Variants in VPS41 observed in about 807,000 individuals in gnomAD.
The protein encoded by VPS41 is vacuolar protein sorting-associated protein 41 homolog.
VPS41 carries 85 observed loss-of-function variants against 130.9 expected under a neutral mutation model. The observed-to-expected ratio is 0.65, with a 90% CI of 0.55 to 0.78. The LOEUF (loss-of-function observed/expected upper bound fraction) is 0.78. Among genes scored for constraint, VPS41 ranks in the 30% least tolerant of loss-of-function variants. VPS41 has a pLI of 0.00. For missense variants in VPS41, 874 were observed against 1,018.7 expected (o/e 0.86, Z 1.93); for synonymous variants, 335 against 332.9 (o/e 1.01, Z -0.07).
chr7:38,734,267 A>T (rs1795722890), intron 25 of VPS41, among the ~76,000 whole-genome samples: 2 of 152,182 alleles, frequency 1.3e-5, no homozygotes, highest in South Asian at 4.1e-4. Context: ...AGATTATTCA[A>T]ATCTAGGGGT....
chr7:38,833,540 G>A (rs1785434719), intron 4 of VPS41, among the ~76,000 whole-genome samples: 1 of 152,112 alleles, frequency 6.6e-6, no homozygotes, highest in Admixed American at 6.6e-5. Flanking sequence ...CCCTCTGCCT[G>A]GAATGCCTTT....
intron 2 of VPS41, among the ~76,000 whole-genome samples, chr7:38,896,627 C>T (rs993912665): frequency 1.3e-5 from 2 of 152,108 alleles, no homozygotes; most frequent in Non-Finnish European, 2.9e-5. Flanking sequence ...CAATGTGACC[C>T]GGGGAGCCAA....
At position 38,758,491 on chromosome 7, in the gene VPS41, G is replaced by A; in HGVS notation, c.1423-10C>T. 16 of 1,599,134 alleles carry A rather than the reference G, an allele frequency of 1.0e-5. No homozygotes were observed. Among genetic ancestry groups the A allele is most frequent in the Non-Finnish European group, 1.3e-5 (15 of 1,176,068 alleles). The stretch of plus-strand genomic sequence containing the variant: ...TCAATGTGGCAAAACCCTAACCAAA[G>A]GTGAAAAACAGAAAAAGAACACTCA... On this transcript the variant is annotated splice_polypyrimidine_tract_variant and intron_variant, in intron 17 of 28. Coordinates refer to ENST00000310301, the MANE Select transcript of VPS41 (RefSeq NM_014396.4).
intron 2 of VPS41, among the ~76,000 whole-genome samples, chr7:38,876,002 G>A (rs956499272): frequency 4.6e-5 from 7 of 152,134 alleles, no homozygotes; most frequent in Non-Finnish European, 8.8e-5. Flanking sequence ...AAATACATAC[G>A]GTTAAATGAG....
intron 24 of VPS41, among the ~76,000 whole-genome samples, chr7:38,742,365 G>C (rs1795898859): frequency 1.3e-5 from 2 of 152,136 alleles, no homozygotes; most frequent in South Asian, 4.1e-4. Flanking sequence ...TTTTAAAACA[G>C]TTGAACAAAT....
chr7:38,766,481 G>GA (rs1315526552), intron 15 of VPS41, among the ~76,000 whole-genome samples: 5 of 152,112 alleles, frequency 3.3e-5, no homozygotes, highest in African/African-American at 9.7e-5. Flanking sequence ...GAAATGAGAC[G>GA]ACACAAATAG....
At chr7:38,862,058 G>A (rs1305022274) in intron 4 of VPS41, among the ~76,000 whole-genome samples, 1 of 152,198 alleles carries the variant, frequency 6.6e-6, no homozygotes, top group Non-Finnish European at 1.5e-5. Context: ...ACTGAAATTA[G>A]TCACTAAATG....
chr7:38,835,019 A>C (rs1480029862), intron 4 of VPS41, among the ~76,000 whole-genome samples: 2 of 152,056 alleles, frequency 1.3e-5, no homozygotes, highest in Non-Finnish European at 2.9e-5. Context: ...ATTATACACC[A>C]GGCTCTATTC....
chr7:38,774,074 CA>C, intron 12 of VPS41, 40 bp downstream of exon 12: 1 of 1,515,568 alleles, frequency 6.6e-7, no homozygotes, highest in Non-Finnish European at 8.9e-7. Flanking sequence ...GAGAAAAAAA[CA>C]TTAAAAAAGC....
intron 3 of VPS41, among the ~76,000 whole-genome samples, chr7:38,868,013 G>T (rs1043519753): frequency 1.3e-5 from 2 of 152,206 alleles, no homozygotes; most frequent in African/African-American, 4.8e-5. Context: ...GTGGGAAAAT[G>T]AGCACAAAAG....
chr7:38,727,048 C>G, intron 27 of VPS41, 60 bp from the exon 28 acceptor site: 1 of 1,402,222 alleles, frequency 7.1e-7, no homozygotes, highest in African/African-American at 1.5e-5. Context: ...TCATTTTAAA[C>G]CAATCCCGAC....
At chr7:38,909,080 C>G in intron 1 of VPS41, 74 bp downstream of exon 1, 1 of 1,575,974 alleles carries the variant, frequency 6.3e-7, no homozygotes, top group Non-Finnish European at 8.7e-7. Flanking sequence ...CCACCCACTC[C>G]ACTCCACCCT....
intron 22 of VPS41, among the ~76,000 whole-genome samples, chr7:38,751,688 G>C (rs1482899616): frequency 6.6e-6 from 1 of 152,172 alleles, no homozygotes; most frequent in South Asian, 2.1e-4. Flanking sequence ...GTGGAATGTA[G>C]GATGTAGGAG....
chr7:38,844,517 G>A (rs887534092), intron 4 of VPS41, among the ~76,000 whole-genome samples: 1 of 151,694 alleles, frequency 6.6e-6, no homozygotes, highest in Non-Finnish European at 1.5e-5. Flanking sequence ...TTAACATCTT[G>A]GAAATAATCT....
rs771768504 is a variant in VPS41, at chr7:38,862,641, G to A, written c.169-19C>T. The stretch of plus-strand genomic sequence containing the variant: ...CCAAAAACTGTAAGAAGAACAAAGA[G>A]GCCAGTTAATTAATTAATAATACTA... On this transcript the variant is annotated intron_variant, in intron 3 of 28. Coordinates refer to ENST00000310301, the MANE Select transcript of VPS41 (RefSeq NM_014396.4). The A allele has an allele frequency of 6.5e-7, 1 of 1,530,242 alleles. No homozygotes were observed. The highest frequency in any genetic ancestry group is 9.0e-7 in the Non-Finnish European group (1 of 1,114,926). 94.8% of individuals were successfully genotyped at this position (1,530,242 alleles called of 1,614,324 possible). A position where few individuals can be genotyped will look rare whatever the true frequency, so the allele number is the denominator to read the frequency against.
chr7:38,767,652 T>G, intron 14 of VPS41, 54 bp from the exon 15 acceptor site: 1 of 1,406,932 alleles, frequency 7.1e-7, no homozygotes, highest in Non-Finnish European at 1.0e-6. Flanking sequence ...AACTGAAAAG[T>G]TGAGTCTCGG....
At chr7:38,776,032 G>A (rs903384863) in intron 11 of VPS41, among the ~76,000 whole-genome samples, 3 of 152,066 alleles carry the variant, frequency 2.0e-5, no homozygotes, top group Admixed American at 6.6e-5. Context: ...CTGGGAATGG[G>A]GCCGTCCTCA....
At chr7:38,759,525 T>C (rs1182510605) in intron 17 of VPS41, among the ~76,000 whole-genome samples, 3 of 152,154 alleles carry the variant, frequency 2.0e-5, no homozygotes, top group Non-Finnish European at 4.4e-5. Flanking sequence ...AGACTATGGG[T>C]CTGGGTGTGG....
At chr7:38,742,358 T>C (rs1363319298) in intron 24 of VPS41, among the ~76,000 whole-genome samples, 1 of 152,184 alleles carries the variant, frequency 6.6e-6, no homozygotes, top group East Asian at 1.9e-4. Flanking sequence ...AGAACTGTTT[T>C]AAAACAGTTG....
Sources: gnomAD v4.1 joint callset for allele counts (sites outside exome capture counted in the v4.1 genomes callset) on GRCh38, gnomAD v4.1.1 for gene constraint, MANE v1.5 for transcripts, NCBI Gene and HGNC (gene_info 2026-07-23, HGNC 2026-07-21) for gene names.